The following SNTG1 variants were observed in gnomAD, a reference collection of about 807,000 sequenced individuals.
SNTG1 encodes the protein gamma-1-syntrophin.
In SNTG1, 39 loss-of-function variants were observed where a neutral mutation model predicts 74.7. The ratio of observed to expected loss-of-function variants is 0.52; its 90% CI spans 0.40 to 0.68. The LOEUF (loss-of-function observed/expected upper bound fraction) is 0.68, where lower values mean the gene tolerates loss of function less well. Ranked by LOEUF, SNTG1 falls within the 30% of genes least tolerant of loss-of-function variation. The pLI is 0.00. For synonymous variants in SNTG1, 254 were observed against 217.1 expected (o/e 1.17, Z -1.49); for missense variants, 685 against 609.5 (o/e 1.12, Z -1.30).
intron 13 of SNTG1, among the ~76,000 whole-genome samples, chr8:50,646,793 G>A (rs1475702662): frequency 1.3e-5 from 2 of 152,108 alleles, no homozygotes; most frequent in African/African-American, 4.8e-5. Flanking sequence ...AAGTCAGGAG[G>A]CTCGTATTAT....
chr8:50,678,704 G>A (rs2131378194), intron 15 of SNTG1, among the ~76,000 whole-genome samples: 1 of 152,144 alleles, frequency 6.6e-6, no homozygotes, highest in African/African-American at 2.4e-5. Context: ...TCATATTTAT[G>A]TAAATAATAA....
intron 1 of SNTG1, among the ~76,000 whole-genome samples, chr8:50,022,836 T>C (rs776349586): frequency 6.6e-6 from 1 of 152,168 alleles, no homozygotes. Context: ...CCTTGACTTT[T>C]TATTTAATCT....
At chr8:50,586,791 G>A (rs1168961457) in intron 12 of SNTG1, among the ~76,000 whole-genome samples, 2 of 151,692 alleles carry the variant, frequency 1.3e-5, no homozygotes, top group African/African-American at 4.8e-5. Flanking sequence ...TGTATTCTGG[G>A]GGTTGTTTTG....
intron 9 of SNTG1, among the ~76,000 whole-genome samples, chr8:50,519,606 T>C (rs528851293): frequency 2.2e-4 from 34 of 152,178 alleles, no homozygotes; most frequent in Non-Finnish European, 4.3e-4. Flanking sequence ...TTCGGCAGAG[T>C]TTCAGGATAC....
intron 1 of SNTG1, among the ~76,000 whole-genome samples, chr8:49,966,081 T>C (rs1171015720): frequency 6.6e-6 from 1 of 152,236 alleles, no homozygotes; most frequent in African/African-American, 2.4e-5. Flanking sequence ...ATCTGGTTTC[T>C]ATTTCTGATT....
chr8:50,254,769 C>T (rs2086799144), intron 2 of SNTG1, among the ~76,000 whole-genome samples: 1 of 151,556 alleles, frequency 6.6e-6, no homozygotes, highest in African/African-American at 2.4e-5. Context: ...TCACTTGAAC[C>T]TGGGAGGTGG....
At chr8:50,520,375 G>T (rs1585557027) in intron 9 of SNTG1, among the ~76,000 whole-genome samples, 2 of 152,170 alleles carry the variant, frequency 1.3e-5, no homozygotes, top group South Asian at 2.1e-4. Flanking sequence ...CAGGGCATAG[G>T]CATGGGCAAA....
At chr8:50,467,695 T>G (rs1563427534) in intron 8 of SNTG1, among the ~76,000 whole-genome samples, 1 of 151,988 alleles carries the variant, frequency 6.6e-6, no homozygotes, top group Admixed American at 6.6e-5. Context: ...AGGCTTTGAT[T>G]GCTGCTTTTT....
At chr8:50,684,141 T>G (rs997633731) in intron 15 of SNTG1, among the ~76,000 whole-genome samples, 2 of 152,186 alleles carry the variant, frequency 1.3e-5, no homozygotes, top group African/African-American at 4.8e-5. Context: ...TTCCTACTGT[T>G]TGTGACCCTC....
intron 8 of SNTG1, among the ~76,000 whole-genome samples, chr8:50,493,014 A>C (rs2093872050): frequency 6.6e-6 from 1 of 152,204 alleles, no homozygotes; most frequent in Non-Finnish European, 1.5e-5. Flanking sequence ...AACACCACAC[A>C]TCTACAGGCA....
At chr8:50,607,256 A>G (rs1162355772) in intron 13 of SNTG1, among the ~76,000 whole-genome samples, 1 of 151,850 alleles carries the variant, frequency 6.6e-6, no homozygotes, top group Non-Finnish European at 1.5e-5. Context: ...TACGCTTCCT[A>G]AATTTTCTGG....
rs188710331 is a variant in SNTG1 at position 50,212,933 on chromosome 8, C to A, written c.-28+40298C>A. Reference sequence around the variant, plus strand: ...AGAACGTGTGGAAGCAACCCCAGAGCAATTGAGACCTGCCTATGCGATGGC... The same window carrying A: ...AGAACGTGTGGAAGCAACCCCAGAGAAATTGAGACCTGCCTATGCGATGGC... On this transcript the variant is annotated intron_variant, in intron 2 of 18. Coordinates refer to ENST00000642720, the MANE Select transcript of SNTG1 (RefSeq NM_018967.5). Among the ~76,000 whole-genome samples, 6 of 152,306 alleles carry A rather than the reference C, an allele frequency of 3.9e-5. No individual in the cohort carries two copies. The East Asian group carries it at 1.2e-3, about 29-fold the overall frequency.
intron 2 of SNTG1, among the ~76,000 whole-genome samples, chr8:50,380,079 C>CGT (rs1563306652): frequency 2.0e-5 from 3 of 152,216 alleles, no homozygotes; most frequent in Non-Finnish European, 4.4e-5. Context: ...CGTTTGGACT[C>CGT]TTACAAGAGA....
intron 13 of SNTG1, among the ~76,000 whole-genome samples, chr8:50,592,579 A>G (rs1227441036): frequency 6.6e-6 from 1 of 152,190 alleles, no homozygotes; most frequent in Non-Finnish European, 1.5e-5. Context: ...ATTTGAATAA[A>G]TCACACATAG....
chr8:50,560,286 C>T (rs1329544012), intron 12 of SNTG1, among the ~76,000 whole-genome samples: 1 of 152,172 alleles, frequency 6.6e-6, no homozygotes, highest in African/African-American at 2.4e-5. Flanking sequence ...TAAATTAGTT[C>T]AACCATTGTG....
intron 1 of SNTG1, among the ~76,000 whole-genome samples, chr8:49,982,988 T>A (rs530955036): frequency 2.0e-5 from 3 of 152,316 alleles, no homozygotes; most frequent in African/African-American, 4.8e-5. Context: ...TAATACAGTT[T>A]TTCAAAGGCT....
In SNTG1 at chr8:50,383,378, T is replaced by C. The variant is rs914326860; in HGVS notation, c.-27-10834T>C. On this transcript the variant is annotated intron_variant, in intron 2 of 18. Coordinates refer to ENST00000642720, the MANE Select transcript of SNTG1 (RefSeq NM_018967.5). ...AATTAACTATTATTAATAAATCTTA[T>C]GTTAGATGATAAGGGAATAAAGAAG... Among the ~76,000 whole-genome samples the C allele has an allele frequency of 1.1e-4, 16 of 151,760 alleles. 1 individual carries two copies. Among genetic ancestry groups the C allele is most frequent in the Admixed American group, 3.9e-4 (6 of 15,256 alleles).
chr8:49,987,124 C>A (rs937153996), intron 1 of SNTG1, among the ~76,000 whole-genome samples: 4 of 152,102 alleles, frequency 2.6e-5, no homozygotes, highest in Admixed American at 2.6e-4. Flanking sequence ...TGAGGAGATA[C>A]TTCCAATTAA....
intron 2 of SNTG1, among the ~76,000 whole-genome samples, chr8:50,334,894 T>C (rs1303009113): frequency 1.3e-5 from 2 of 152,232 alleles, no homozygotes; most frequent in East Asian, 1.9e-4. Context: ...CCTGCACTTA[T>C]TGTAACTTGA....
Sources: gnomAD v4.1 joint callset for allele counts (sites outside exome capture counted in the v4.1 genomes callset) on GRCh38, gnomAD v4.1.1 for gene constraint, MANE v1.5 for transcripts, NCBI Gene and HGNC (gene_info 2026-07-23, HGNC 2026-07-21) for gene names.